ACTR3C: variants seen among roughly 807,000 people sequenced by gnomAD.
The protein encoded by ACTR3C is actin-related protein 3C.
ACTR3C carries 18 observed loss-of-function variants against 26.3 expected under a neutral mutation model. The observed-to-expected ratio is 0.68, with a 90% confidence interval of 0.47 to 1.01. The LOEUF is 1.01. Ranked by LOEUF, ACTR3C falls within the 50% of genes least tolerant of loss-of-function variation. The pLI is 0.00. For synonymous variants in ACTR3C, 55 were observed against 94.5 expected (o/e 0.58, Z 2.42); for missense variants, 184 against 250.7 (o/e 0.73, Z 1.80).
the ACTR3C span, among the ~76,000 whole-genome samples, chr7:149,978,799 G>A: frequency 0.013 from 1,898 of 149,812 alleles, 27 homozygotes; most frequent in African/African-American, 0.046. Context: ...ACCAGCAGGC[G>A]TCTCTTGTTT....
the ACTR3C span, among the ~76,000 whole-genome samples, chr7:150,115,750 T>C: frequency 6.6e-6 from 1 of 152,254 alleles, no homozygotes; most frequent in African/African-American, 2.4e-5. Flanking sequence ...GGGACCTGCC[T>C]GGATCTTAAT....
chr7:150,310,489 T>TCCCATCCATCCTGTTG (rs1158648444), intron 1 of ACTR3C, among the ~76,000 whole-genome samples: 4,226 of 152,134 alleles, frequency 0.028, 217 homozygotes, highest in African/African-American at 0.097. Flanking sequence ...TTCAAGACCT[T>TCCCATCCATCCTGTTG]TGCCTCATAA....
the ACTR3C span, among the ~76,000 whole-genome samples, chr7:149,897,795 T>C: frequency 6.6e-6 from 1 of 152,190 alleles, no homozygotes; most frequent in African/African-American, 2.4e-5. Flanking sequence ...GGAGAATTGC[T>C]TGAACTCAGG....
the ACTR3C span, among the ~76,000 whole-genome samples, chr7:150,067,799 G>C: frequency 1.3e-5 from 2 of 149,180 alleles, no homozygotes; most frequent in Non-Finnish European, 3.0e-5. Flanking sequence ...GGGGTGGTGG[G>C]GGGGGATGGG....
At chr7:150,314,825 A>G (rs1328373796) in intron 1 of ACTR3C, among the ~76,000 whole-genome samples, 2 of 149,508 alleles carry the variant, frequency 1.3e-5, no homozygotes, top group East Asian at 3.9e-4. Context: ...AGTGGCACAC[A>G]CCTGTAGTCC....
chr7:150,059,386 A>G, the ACTR3C span, among the ~76,000 whole-genome samples: 2 of 152,346 alleles, frequency 1.3e-5, no homozygotes, highest in East Asian at 3.9e-4. Context: ...GTTATTGTCC[A>G]TAACTCTGAG....
At chr7:149,948,867 C>T in the ACTR3C span, among the ~76,000 whole-genome samples, 6,770 of 148,940 alleles carry the variant, frequency 0.045, 153 homozygotes, top group African/African-American at 0.15. Flanking sequence ...CGTGATCCAC[C>T]TGGGACAAGT....
the ACTR3C span, among the ~76,000 whole-genome samples, chr7:149,896,081 A>G: frequency 6.6e-6 from 1 of 151,206 alleles, no homozygotes; most frequent in Non-Finnish European, 1.5e-5. Flanking sequence ...GGGAGTCCCA[A>G]CTACTTGGGA....
intron 6 of ACTR3C, among the ~76,000 whole-genome samples, chr7:150,275,937 C>T (rs555290261): frequency 9.2e-5 from 14 of 152,234 alleles, no homozygotes; most frequent in African/African-American, 2.9e-4. Flanking sequence ...GGTCAGCCAC[C>T]GTCTATTTAT....
the ACTR3C span, among the ~76,000 whole-genome samples, chr7:150,088,425 G>A: frequency 6.6e-6 from 1 of 152,126 alleles, no homozygotes; most frequent in Non-Finnish European, 1.5e-5. Context: ...TTAAAGAAAG[G>A]TTTCTGCTTA....
At chr7:150,160,775 G>A in the ACTR3C span, among the ~76,000 whole-genome samples, 3 of 151,842 alleles carry the variant, frequency 2.0e-5, no homozygotes, top group African/African-American at 7.3e-5. Context: ...TGTTCCTGGT[G>A]CCTTGAACAG....
At chr7:150,088,868 C>T in the ACTR3C span, among the ~76,000 whole-genome samples, 1 of 152,166 alleles carries the variant, frequency 6.6e-6, no homozygotes, top group East Asian at 1.9e-4. Context: ...CTTTCTAGAA[C>T]TAAGCTTCCT....
chr7:150,029,247 G>A, the ACTR3C span, among the ~76,000 whole-genome samples: 2 of 151,868 alleles, frequency 1.3e-5, no homozygotes, highest in South Asian at 4.1e-4. Flanking sequence ...GCCAAATTCT[G>A]TTCGTTTCAT....
rs138746122 is a variant in ACTR3C, at chr7:150,264,933, A to G, written c.565-15879T>C. 2.3e-3 allele frequency: 2,120 copies of G among 911,722 alleles called. 21 individuals carry two copies. The African/African-American group carries it at 0.035, about 15-fold the overall frequency. 56.5% of individuals were successfully genotyped at this position (911,722 alleles called of 1,614,324 possible). A position where few individuals can be genotyped will look rare whatever the true frequency, so the allele number is the denominator to read the frequency against. ...ACTTAACAAATACAATCAGACTCACATTAAATCCTTGGAGTGATACCCGAA... is the reference window on the plus strand; with the variant it reads ...ACTTAACAAATACAATCAGACTCACGTTAAATCCTTGGAGTGATACCCGAA... On this transcript the variant is annotated intron_variant, in intron 6 of 7. Transcript: ENST00000683684.
the ACTR3C span, among the ~76,000 whole-genome samples, chr7:150,038,869 C>A: frequency 7.9e-6 from 1 of 126,716 alleles, no homozygotes; most frequent in African/African-American, 2.9e-5. Context: ...GGCTCTCAGT[C>A]CCTGCCTCGC....
At chr7:150,047,039 G>A in the ACTR3C span, among the ~76,000 whole-genome samples, 6 of 151,188 alleles carry the variant, frequency 4.0e-5, no homozygotes, top group Admixed American at 3.3e-4. Flanking sequence ...TTTTTTTTCC[G>A]GAAAGGATAA....
the ACTR3C span, among the ~76,000 whole-genome samples, chr7:150,023,239 C>CTCTATATAGATCTCTATATA: frequency 2.7e-3 from 174 of 64,226 alleles, 2 homozygotes; most frequent in African/African-American, 8.2e-3. Flanking sequence ...CTATATATCT[C>CTCTATATAGATCTCTATATA]TCTATCTCTA....
At chr7:150,277,529 A>G (rs896848067) in intron 6 of ACTR3C, among the ~76,000 whole-genome samples, 2 of 152,028 alleles carry the variant, frequency 1.3e-5, no homozygotes, top group Non-Finnish European at 2.9e-5. Context: ...TCAAATCTCT[A>G]TGTCTGGCCC....
the ACTR3C span, among the ~76,000 whole-genome samples, chr7:149,992,206 C>T: frequency 1.3e-5 from 2 of 152,262 alleles, no homozygotes; most frequent in Admixed American, 1.3e-4. Context: ...CGAAGGGTCC[C>T]TGAGAAAATA....
Sources: gnomAD v4.1 joint callset for allele counts (sites outside exome capture counted in the v4.1 genomes callset) on GRCh38, gnomAD v4.1.1 for gene constraint, MANE v1.5 for transcripts, NCBI Gene and HGNC (gene_info 2026-07-23, HGNC 2026-07-21) for gene names.